BRSK2: variants seen among roughly 807,000 people sequenced by gnomAD.
BRSK2 encodes serine/threonine-protein kinase BRSK2.
Under a neutral mutation model 83.3 loss-of-function variants are expected in BRSK2, and 19 were observed. The observed-to-expected ratio is 0.23, with a 90% CI of 0.16 to 0.33. The LOEUF (loss-of-function observed/expected upper bound fraction) is 0.33, where lower values mean the gene tolerates loss of function less well. Among genes scored for constraint, BRSK2 ranks in the 10% least tolerant of loss-of-function variants. The probability of loss-of-function intolerance (pLI) is 1.00; values close to 1 mark genes in which losing one functional copy is unlikely to be tolerated. For synonymous variants in BRSK2, 519 were observed against 435.4 expected, an observed-to-expected ratio of 1.19 and a Z score of -2.39; for missense variants, 798 against 1,042.3, an observed-to-expected ratio of 0.77 and a Z score of 3.23.
intron 1 of BRSK2, among the ~76,000 whole-genome samples, chr11:1,413,428 C>T (rs1177625208): frequency 1.3e-5 from 2 of 152,198 alleles, no homozygotes; most frequent in African/African-American, 4.8e-5. Flanking sequence ...TCTGCAGGGC[C>T]TGAGCTGTCT....
At position 1,423,360 on chromosome 11, in the gene BRSK2, G is replaced by A. The variant is rs1213432175; in HGVS notation, c.92-12680G>A. Among the ~76,000 whole-genome samples, 2 of 152,172 alleles carry A rather than the reference G, an allele frequency of 1.3e-5. No homozygotes were observed. Among genetic ancestry groups the A allele is most frequent in the Non-Finnish European group, 2.9e-5 (2 of 68,006 alleles). On this transcript the variant is annotated intron_variant, in intron 1 of 19. Coordinates refer to ENST00000528841, the MANE Select transcript of BRSK2 (RefSeq NM_001256627.2). The surrounding 1 kb of genome is among the most constrained non-coding windows in gnomAD (Gnocchi z 6.5). The stretch of plus-strand genomic sequence containing the variant: ...TACTTCAGTGCAGAGCCTTCAGTTA[G>A]GAGCCGAGGCCTCTGGCCAGGTTCA...
In BRSK2 at chr11:1,447,709, C is replaced by G. The variant is rs917959615; in HGVS notation, c.1226+1802C>G. Reference sequence around the variant, plus strand: ...AGCGGCCTCAGAGCCACGTGGAGTTCTTACCCGGTGTGGCCCGGGCCCTGG... The same window carrying G: ...AGCGGCCTCAGAGCCACGTGGAGTTGTTACCCGGTGTGGCCCGGGCCCTGG... On this transcript the variant is annotated intron_variant, in intron 12 of 19. Transcript: ENST00000528841. The G allele has an allele frequency of 5.5e-6, 7 of 1,270,624 alleles. No homozygotes were observed. In the African/African-American group the frequency reaches 7.4e-5, roughly 13 times the overall value. The allele number at this position is 1,270,624 out of a possible 1,614,324, so 78.7% of individuals were successfully genotyped here.
chr11:1,457,953 C>T (rs1846844505), intron 18 of BRSK2, among the ~76,000 whole-genome samples: 1 of 152,302 alleles, frequency 6.6e-6, no homozygotes, highest in Middle Eastern at 3.4e-3. Context: ...GAGCAGGGTT[C>T]CAGGTGCTCG....
intron 1 of BRSK2, among the ~76,000 whole-genome samples, chr11:1,435,002 C>T (rs550954635): frequency 9.9e-5 from 15 of 151,460 alleles, no homozygotes; most frequent in Admixed American, 7.9e-4. Context: ...GAGGGTGGGC[C>T]GAGGCGCGGA....
Position 1,461,381 on chromosome 11 carries a change from T to G in BRSK2, c.*658T>G. On this transcript the variant is annotated 3_prime_UTR_variant, in exon 20 of 20. Transcript: ENST00000528841. ...CCGCCTCCGTGTAGTCTTGGCCTCCTCAGGCTGCCTCCCGTCCTCTCGTCT... is the reference window on the plus strand; with the variant it reads ...CCGCCTCCGTGTAGTCTTGGCCTCCGCAGGCTGCCTCCCGTCCTCTCGTCT... 3.5e-6 allele frequency: 1 copy of G among 283,916 alleles called. No individual in the cohort carries two copies. 17.6% of individuals were successfully genotyped at this position (283,916 alleles called of 1,614,324 possible).
intron 1 of BRSK2, among the ~76,000 whole-genome samples, chr11:1,428,851 G>A (rs919921641): frequency 2.6e-5 from 4 of 151,660 alleles, no homozygotes; most frequent in African/African-American, 4.9e-5. Context: ...GTGTACAGGC[G>A]TGCGTACTGT....
rs1037250591 is a variant in BRSK2, at chr11:1,403,702, G to A, written c.91+13327G>A. Among the ~76,000 whole-genome samples, 3 of 152,222 alleles carry A rather than the reference G, an allele frequency of 2.0e-5. No homozygotes were observed. In the East Asian group the frequency reaches 5.8e-4, roughly 29 times the overall value. On this transcript the variant is annotated intron_variant, in intron 1 of 19. Coordinates refer to ENST00000528841, the MANE Select transcript of BRSK2 (RefSeq NM_001256627.2). ...TGGTGACAGTCCTGTTGTGGCACCT[G>A]GTGCACTGATGGTCGCCTGTGGACC...
In BRSK2 at chr11:1,438,389, T is replaced by C; in HGVS notation, c.270T>C (p.Tyr90=). The C allele has an allele frequency of 6.2e-7, 1 of 1,613,564 alleles. No homozygotes were observed. Among genetic ancestry groups the C allele is most frequent in the African/African-American group, 1.3e-5 (1 of 75,020 alleles). The change falls in exon 3 of 20, where the codon TAT becomes TAC. Residue 90 remains tyrosine (Y), a splice_region_variant and synonymous_variant. Transcript: ENST00000528841. The surrounding 1 kb of genome is among the most constrained non-coding windows in gnomAD (Gnocchi z 6.4). ...ACGACGTTTATGAAAACAAAAAATA[T>C]TTGTAGGTATTGCTGGGTCTGAAGA... ...KLHDVYENKK[Y]LYLVLEHVSG...
chr11:1,448,300 C>T (rs1487399398), intron 12 of BRSK2, among the ~76,000 whole-genome samples: 4 of 152,178 alleles, frequency 2.6e-5, no homozygotes, highest in Non-Finnish European at 5.9e-5. Flanking sequence ...TACCTGGGGC[C>T]AGTTTTGCGA....
In BRSK2 at chr11:1,413,122, G is replaced by A. The variant is rs556769687; in HGVS notation, c.91+22747G>A. ...TGGGGTGGGTCTCTCCCCATCTCATGGCACCAGCTCAGACCTAAGCCAGGA... is the reference window on the plus strand; with the variant it reads ...TGGGGTGGGTCTCTCCCCATCTCATAGCACCAGCTCAGACCTAAGCCAGGA... On this transcript the variant is annotated intron_variant, in intron 1 of 19. Coordinates refer to ENST00000528841, the MANE Select transcript of BRSK2 (RefSeq NM_001256627.2). Among the ~76,000 whole-genome samples the A allele has an allele frequency of 9.3e-4, 142 of 152,260 alleles. 1 individual carries two copies. In the South Asian group the frequency reaches 0.017, roughly 18 times the overall value.
chr11:1,456,472 G>C lies in BRSK2; in HGVS notation c.1793G>C (p.Gly598Ala). ...KFQVDITYTE[G>A]GEAQKENGIY... is the part of the protein sequence containing the mutation. Reference sequence around the variant, plus strand: ...CAGGTTGATATCACCTACACGGAGGGTGGGGAGGCGCAGAAGGAGAACGGC... The same window carrying C: ...CAGGTTGATATCACCTACACGGAGGCTGGGGAGGCGCAGAAGGAGAACGGC... Residue 598 changes from glycine (G) to alanine (A), a missense_variant, in exon 17 of 20, where the codon GGT (glycine) becomes GCT (alanine). By Grantham distance (60) the Gly-to-Ala change is moderately conservative. Transcript: ENST00000528841. 2 of 1,577,862 alleles carry C rather than the reference G, an allele frequency of 1.3e-6. No individual in the cohort carries two copies. Among genetic ancestry groups the C allele is most frequent in the South Asian group, 1.2e-5 (1 of 86,138 alleles).
At chr11:1,411,042 A>T in intron 1 of BRSK2, 1 of 1,060,768 alleles carries the variant, frequency 9.4e-7, no homozygotes, top group Non-Finnish European at 1.1e-6. Flanking sequence ...TCCCATCACC[A>T]TGGCAACAGA....
intron 1 of BRSK2, among the ~76,000 whole-genome samples, chr11:1,433,277 G>A (rs1391101451): frequency 6.6e-6 from 1 of 152,252 alleles, no homozygotes; most frequent in African/African-American, 2.4e-5. Context: ...TGGGAATGCT[G>A]TCCCGGTGCC....
chr11:1,455,540 G>A (rs1010828589), intron 16 of BRSK2, among the ~76,000 whole-genome samples: 1 of 152,040 alleles, frequency 6.6e-6, no homozygotes, highest in Non-Finnish European at 1.5e-5. Flanking sequence ...TTACGCTGTG[G>A]GGACAGCTTG....
chr11:1,457,895 C>T (rs1328095487), intron 18 of BRSK2, among the ~76,000 whole-genome samples: 1 of 152,186 alleles, frequency 6.6e-6, no homozygotes, highest in Non-Finnish European at 1.5e-5. Context: ...GGAGGAGTAG[C>T]CCCCTTCTCC....
rs1847547650 is a variant in BRSK2 at position 1,461,923 on chromosome 11, G to C, written c.*1200G>C. Reference sequence around the variant, plus strand: ...GAGAAGCAGCTCCACCTCTGGGGGGGCTCGGGGCAGAGGGGCGGTGTCTTG... The same window carrying C: ...GAGAAGCAGCTCCACCTCTGGGGGGCCTCGGGGCAGAGGGGCGGTGTCTTG... On this transcript the variant is annotated 3_prime_UTR_variant, in exon 20 of 20. Transcript: ENST00000528841. 1.3e-5 allele frequency: 2 copies of C among 152,078 alleles called. No homozygotes were observed. Among genetic ancestry groups the C allele is most frequent in the Admixed American group, 1.3e-4 (2 of 15,282 alleles). 9.4% of individuals were successfully genotyped at this position (152,078 alleles called of 1,614,324 possible). A position where few individuals can be genotyped will look rare whatever the true frequency, so the allele number is the denominator to read the frequency against.
At chr11:1,429,139 C>G (rs1849625370) in intron 1 of BRSK2, among the ~76,000 whole-genome samples, 1 of 123,948 alleles carries the variant, frequency 8.1e-6, no homozygotes, top group Non-Finnish European at 1.7e-5. Context: ...GGTGTGTGTG[C>G]ACGTGTGCAT....
At chr11:1,417,551 T>C (rs1372060154) in intron 1 of BRSK2, among the ~76,000 whole-genome samples, 2 of 151,572 alleles carry the variant, frequency 1.3e-5, no homozygotes, top group Non-Finnish European at 2.9e-5. Context: ...CTGTGGGCTG[T>C]TTCTTCTCTT....
At chr11:1,459,360 C>A in intron 19 of BRSK2, 121 bp downstream of exon 19, 2 of 1,087,716 alleles carry the variant, frequency 1.8e-6, no homozygotes, top group Admixed American at 1.7e-5. Context: ...ATGTAGGCAC[C>A]CAGCAGCCCA....
Sources: gnomAD v4.1 joint callset for allele counts (sites outside exome capture counted in the v4.1 genomes callset) on GRCh38, gnomAD v4.1.1 for gene constraint, Gnocchi (gnomAD v3.1) non-coding constraint, MANE v1.5 for transcripts, NCBI Gene and HGNC (gene_info 2026-07-23, HGNC 2026-07-21) for gene names.